Variants in PSMD6 observed in about 807,000 individuals in gnomAD.
PSMD6 encodes proteasome 26S subunit, non-ATPase 6.
In PSMD6, 7 loss-of-function variants were observed where a neutral mutation model predicts 44.9. The observed-to-expected ratio is 0.16, with a 90% CI of 0.09 to 0.29. The LOEUF is 0.29. Ranked by LOEUF, PSMD6 falls within the 10% of genes least tolerant of loss-of-function variation. The pLI, the probability that PSMD6 is intolerant of heterozygous loss-of-function variation, is 1.00. For missense variants in PSMD6, 420 were observed against 482.6 expected, an observed-to-expected ratio of 0.87 and a Z score of 1.21; for synonymous variants, 184 against 172.7, an observed-to-expected ratio of 1.07 and a Z score of -0.51.
At chr3:64,019,608 G>T in intron 2 of PSMD6, 167 bp from the exon 3 acceptor site, 1 of 585,320 alleles carries the variant, frequency 1.7e-6, no homozygotes, top group South Asian at 3.4e-5. Context: ...AGTACACAAG[G>T]GTTTATTATT....
At chr3:64,023,639 C>A, upstream of PSMD6, 2 of 1,427,642 alleles carry the variant, frequency 1.4e-6, no homozygotes, top group Non-Finnish European at 9.1e-7. Context: ...ACCCTCAAGG[C>A]CCCCTGCGGA....
intron 6 of PSMD6, 27 bp downstream of exon 6, chr3:64,013,412 A>C (rs2075993500): frequency 1.3e-5 from 20 of 1,516,138 alleles, no homozygotes; most frequent in Non-Finnish European, 1.8e-5. Flanking sequence ...TTAAAACTTC[A>C]ATTAACATGG....
Position 64,023,367 on chromosome 3 carries a change from C to T in PSMD6, c.53G>A (p.Arg18His), listed in dbSNP as rs1389161579. ...EEGLPKNPDL[R>H]IAQLRFLLSL... ...GAGCAGGAAGCGCAGCTGCGCGATACGCAAGTCGGGGTTCTTGGGCAGACC... is the reference window on the plus strand; with the variant it reads ...GAGCAGGAAGCGCAGCTGCGCGATATGCAAGTCGGGGTTCTTGGGCAGACC... The change falls in exon 1 of 8, where the codon CGT becomes CAT. Residue 18 changes from arginine (R) to histidine (H), a missense_variant. Arg to His is a conservative substitution (Grantham distance 29). This residue lies in a region of PSMD6 where 136 missense variants were observed against 124.2 expected (regional missense o/e 1.09). Transcript: ENST00000295901. The T allele has an allele frequency of 1.9e-6, 3 of 1,612,260 alleles. No individual in the cohort carries two copies. The Admixed American group carries it at 5.0e-5, about 27-fold the overall frequency.
chr3:64,023,936 G>T, upstream of PSMD6: 1 of 953,428 alleles, frequency 1.0e-6, no homozygotes, highest in Non-Finnish European at 1.5e-6. Context: ...ACCAACCAAG[G>T]TCATGTAACA....
chr3:64,022,491 A>G lies in PSMD6; in HGVS notation c.178T>C (p.Ser60Pro). The part of the protein sequence containing the change: ...MAPYYEALCK[S>P]LDWQIDVDLL... ...TCCACGTCTATCTGCCAGTCGAGGGATTTGCACAAGGCTTCATAGTAAGGA... is the reference window on the plus strand; with the variant it reads ...TCCACGTCTATCTGCCAGTCGAGGGGTTTGCACAAGGCTTCATAGTAAGGA... The change falls in exon 2 of 8, where the codon TCC becomes CCC. Residue 60 changes from serine to proline, a missense_variant. Transcript: ENST00000295901. The G allele has an allele frequency of 6.2e-7, 1 of 1,614,004 alleles. No individual in the cohort carries two copies. The highest frequency in any genetic ancestry group is 8.5e-7 in the Non-Finnish European group (1 of 1,179,908).
chr3:64,012,926 G>GA (rs2075984221), intron 6 of PSMD6: 2 of 152,238 alleles, frequency 1.3e-5, no homozygotes, highest in Admixed American at 1.3e-4. Flanking sequence ...ATGAAAGTGT[G>GA]AAAAGGGAGC....
Position 64,019,232 on chromosome 3 carries a change from A to C in PSMD6, c.497+64T>G, listed in dbSNP as rs972565572. On this transcript the variant is annotated intron_variant, in intron 3 of 7. Transcript: ENST00000295901. ...CTGTAAACAAAACAGGCAGTTTCTT[A>C]TATCAGCTTCTCATTTGTAGCATCA... 5.3e-6 allele frequency: 8 copies of C among 1,507,726 alleles called. No homozygotes were observed. The East Asian group carries it at 1.4e-4, about 26-fold the overall frequency. 93.4% of individuals were successfully genotyped at this position (1,507,726 alleles called of 1,614,324 possible).
At chr3:64,022,582 T>C (rs778945280) in intron 1 of PSMD6, 59 bp from the exon 2 acceptor site, 70 of 1,595,736 alleles carry the variant, frequency 4.4e-5, no homozygotes, top group Admixed American at 1.9e-4. Context: ...AGTCAAAGTC[T>C]GCCCACGTAT....
chr3:64,019,650 A>T, intron 2 of PSMD6: 1 of 469,164 alleles, frequency 2.1e-6, no homozygotes, highest in Non-Finnish European at 3.7e-6. Flanking sequence ...AGTTTAAAAA[A>T]TACATAAGAA....
chr3:64,015,794 G>C (rs1043338753), intron 5 of PSMD6: 1 of 152,180 alleles, frequency 6.6e-6, no homozygotes, highest in African/African-American at 2.4e-5. Context: ...AGATATTAAA[G>C]AAAGCCTTTT....
Position 64,018,829 on chromosome 3 carries a change from G to T in PSMD6, c.706C>A (p.Leu236Ile). 1 of 1,580,086 alleles carries T rather than the reference G, an allele frequency of 6.3e-7. No individual in the cohort carries two copies. Among genetic ancestry groups the T allele is most frequent in the Non-Finnish European group, 8.7e-7 (1 of 1,149,452 alleles). Residue 236 changes from leucine (L) to isoleucine (I), a missense_variant, in exon 4 of 8, where the codon CTC (leucine) becomes ATC (isoleucine). Physicochemically the swap from Leu to Ile is conservative, Grantham distance 5. Transcript: ENST00000295901. ...AGTTTGGTCATTACCTTTTCCCTGA[G>T]ATCTGGTCTTTCTAAGGCAATCATA... ...VSMIALERPD[L>I]REKVIKGAEI...
intron 5 of PSMD6, chr3:64,014,097 G>A (rs1011927805): frequency 2.6e-5 from 4 of 152,498 alleles, no homozygotes; most frequent in South Asian, 2.1e-4. Context: ...ATTTGTTCAC[G>A]TAAATAGTCT....
upstream of PSMD6, chr3:64,023,949 C>A: frequency 1.2e-6 from 1 of 816,458 alleles, no homozygotes; most frequent in African/African-American, 1.7e-5. Flanking sequence ...ATGTAACAGC[C>A]ATGTCGCAAG....
Position 64,018,949 on chromosome 3 carries a change from G to C in PSMD6, c.586C>G (p.Gln196Glu). The C allele has an allele frequency of 6.2e-7, 1 of 1,611,226 alleles. No individual in the cohort carries two copies. Among genetic ancestry groups the C allele is most frequent in the Non-Finnish European group, 8.5e-7 (1 of 1,177,424 alleles). The change falls in exon 4 of 8, where the codon CAG becomes GAG. Residue 196 changes from glutamine to glutamate, a missense_variant. Physicochemically the swap from Gln to Glu is conservative, Grantham distance 29 (BLOSUM62 2). Transcript: ENST00000295901. ...GTGTCAAGGAAGAGTTCAGCTGCCT[G>C]TTTGAAATCACGAATAGCCACACAA... Reference protein sequence around the residue: ...LYCVAIRDFKQAAELFLDTVS... With the variant: ...LYCVAIRDFKEAAELFLDTVS...
chr3:64,013,300 A>G (rs1274031172), intron 6 of PSMD6, 139 bp downstream of exon 6: 5 of 808,244 alleles, frequency 6.2e-6, no homozygotes, highest in Admixed American at 5.8e-5. Flanking sequence ...GAATGTTTTG[A>G]TAATACTGAG....
chr3:64,019,420 G>C lies in PSMD6; in HGVS notation c.373C>G (p.Arg125Gly). ...GCCACAGTTTTGTCATATGTCTTGCGAAAGGCTGTCAGAGCTCCCTCCTGT... is the reference window on the plus strand; with the variant it reads ...GCCACAGTTTTGTCATATGTCTTGCCAAAGGCTGTCAGAGCTCCCTCCTGT... ...GDKEGALTAF[R>G]KTYDKTVALG... Residue 125 changes from arginine to glycine, a missense_variant, in exon 3 of 8, where the codon CGC becomes GGC. Physicochemically the swap from Arg to Gly is moderately radical, Grantham distance 125 (BLOSUM62 -2). Around this residue, in one of 4 missense-constraint regions of PSMD6, gnomAD observed 216 missense variants for 227.0 expected, o/e 0.95. Transcript: ENST00000295901. 9.3e-6 allele frequency: 15 copies of C among 1,612,842 alleles called. No individual in the cohort carries two copies. Among genetic ancestry groups the C allele is most frequent in the Non-Finnish European group, 1.3e-5 (15 of 1,179,574 alleles).
At chr3:64,020,383 T>C (rs2076110718) in intron 2 of PSMD6, among the ~76,000 whole-genome samples, 1 of 152,172 alleles carries the variant, frequency 6.6e-6, no homozygotes, top group Non-Finnish European at 1.5e-5. Context: ...GAGTATTTAA[T>C]AAATACAGAG....
In PSMD6 at chr3:64,023,479, G is replaced by A. The variant is rs966596640; in HGVS notation, c.-60C>T. On this transcript the variant is annotated 5_prime_UTR_variant, in exon 1 of 8. Coordinates refer to ENST00000295901, the MANE Select transcript of PSMD6 (RefSeq NM_014814.3). ...CTTGGTTACGACCGGCTGCGGCAGC[G>A]GAAGCGGGAGGAGTCGGCGAATACG... 6.7e-6 allele frequency: 10 copies of A among 1,492,584 alleles called. No individual in the cohort carries two copies. Among genetic ancestry groups the A allele is most frequent in the African/African-American group, 2.9e-5 (2 of 69,788 alleles). The allele number at this position is 1,492,584 out of a possible 1,614,324, so 92.5% of individuals were successfully genotyped here.
At chr3:64,015,256 C>G (rs997392308) in intron 5 of PSMD6, 9 of 152,200 alleles carry the variant, frequency 5.9e-5, no homozygotes, top group Non-Finnish European at 1.3e-4. Flanking sequence ...ACTGACATAT[C>G]TCTGGAGGGC....
Sources: allele counts gnomAD v4.1 joint callset (sites outside exome capture counted in the v4.1 genomes callset), GRCh38; gene constraint gnomAD v4.1.1; regional missense constraint gnomAD v4.1.1; transcripts MANE v1.5; gene names NCBI Gene and HGNC (gene_info 2026-07-23, HGNC 2026-07-21).